Variants in CARMIL1 observed in about 807,000 individuals in gnomAD.
CARMIL1 encodes F-actin-uncapping protein LRRC16A.
CARMIL1 carries 90 observed loss-of-function variants against 177.1 expected under a neutral mutation model. That is an observed-to-expected ratio of 0.51 (90% CI 0.43 to 0.61). The LOEUF is 0.61. Among genes scored for constraint, CARMIL1 ranks in the 20% least tolerant of loss-of-function variants. CARMIL1 has a pLI of 0.00. For missense variants in CARMIL1, 1,380 were observed against 1,667.0 expected, an observed-to-expected ratio of 0.83 and a Z score of 3.00; for synonymous variants, 577 against 606.2, an observed-to-expected ratio of 0.95 and a Z score of 0.71.
At chr6:25,376,398 G>C (rs1562054392) in intron 2 of CARMIL1, among the ~76,000 whole-genome samples, 1 of 152,154 alleles carries the variant, frequency 6.6e-6, no homozygotes, top group Non-Finnish European at 1.5e-5. Flanking sequence ...TATTTTTCTA[G>C]TTCCCTCTAA....
At chr6:25,462,390 A>G (rs1463512661) in intron 8 of CARMIL1, among the ~76,000 whole-genome samples, 2 of 152,058 alleles carry the variant, frequency 1.3e-5, no homozygotes. Flanking sequence ...AGTATTTTGT[A>G]TTCCCCCTAC....
chr6:25,514,568 AGC>A (rs1805787347), intron 20 of CARMIL1, among the ~76,000 whole-genome samples: 1 of 149,756 alleles, frequency 6.7e-6, no homozygotes, highest in South Asian at 2.1e-4. Context: ...AAAAAAAAAA[AGC>A]CACACAAGTG....
intron 8 of CARMIL1, chr6:25,465,523 A>C (rs1800525584): frequency 5.4e-6 from 1 of 186,594 alleles, no homozygotes; most frequent in African/African-American, 2.4e-5. Flanking sequence ...CTGTCTCAAA[A>C]AAAAAAAAAG....
chr6:25,481,102 AT>A (rs796145326), intron 11 of CARMIL1, among the ~76,000 whole-genome samples: 3,108 of 141,084 alleles, frequency 0.022, 95 homozygotes, highest in African/African-American at 0.071. Context: ...TTAGTCACTT[AT>A]TTTTTTTTTT....
At position 25,586,258 on chromosome 6, in the gene CARMIL1, G is replaced by A. The variant is rs1173233818; in HGVS notation, c.3006+4819G>A. Among the ~76,000 whole-genome samples, 928 of 145,684 alleles carry A rather than the reference G, an allele frequency of 6.4e-3. 15 individuals are homozygous for A. The highest frequency in any genetic ancestry group is 0.02 in the African/African-American group (765 of 37,626). ...TCAGACGGGGTGGCCGGGCAGAGAC[G>A]CTCCTCACCTCCCAGACGGGGTGGC... is the stretch of plus-strand genomic sequence containing the variant. On this transcript the variant is annotated intron_variant, in intron 31 of 36. Transcript: ENST00000329474.
At position 25,482,264 on chromosome 6, in the gene CARMIL1, C is replaced by T. The variant is rs764482077; in HGVS notation, c.882C>T (p.Ser294=). The part of the protein sequence containing the change: ...AGNPLEDRGV[S]SLSIQFAKLP... ...TTCTTTTTCCTTTCTCAGGTGTGTC[C>T]TCTTTAAGTATTCAATTTGCCAAAC... The change falls in exon 12 of 37, where the codon TCC becomes TCT. Residue 294 remains serine (S), a synonymous_variant. Transcript: ENST00000329474. 5 of 1,562,642 alleles carry T rather than the reference C, an allele frequency of 3.2e-6. 1 individual carries two copies. The Admixed American group carries it at 5.5e-5, about 17-fold the overall frequency.
chr6:25,403,956 G>T (rs1794117319), intron 2 of CARMIL1, among the ~76,000 whole-genome samples: 1 of 152,214 alleles, frequency 6.6e-6, no homozygotes, highest in Non-Finnish European at 1.5e-5. Flanking sequence ...CACAAGGTAG[G>T]CAGTCAGTAA....
intron 2 of CARMIL1, among the ~76,000 whole-genome samples, chr6:25,360,797 G>T (rs963368433): frequency 2.0e-5 from 3 of 152,146 alleles, no homozygotes; most frequent in Non-Finnish European, 4.4e-5. Context: ...CCTTATTCAC[G>T]TTGAGGAATG....
intron 17 of CARMIL1, among the ~76,000 whole-genome samples, chr6:25,506,352 G>T (rs1156722867): frequency 6.6e-6 from 1 of 152,216 alleles, no homozygotes; most frequent in Non-Finnish European, 1.5e-5. Context: ...TTCAGGACCA[G>T]TCTGGCTAAC....
chr6:25,450,634 A>G lies in CARMIL1; in HGVS notation c.541-4A>G. 6.4e-7 allele frequency: 1 copy of G among 1,555,392 alleles called. No individual in the cohort carries two copies. The highest frequency in any genetic ancestry group is 8.8e-7 in the Non-Finnish European group (1 of 1,130,770). On this transcript the variant is annotated splice_polypyrimidine_tract_variant and splice_region_variant and intron_variant, in intron 7 of 36. Transcript: ENST00000329474. ...ATGACATGACTGAATTATATTTCAAATAGGATGTGGATACAATTTATCTTA... is the reference window on the plus strand; with the variant it reads ...ATGACATGACTGAATTATATTTCAAGTAGGATGTGGATACAATTTATCTTA...
At chr6:25,421,695 T>A (rs1562114829) in intron 3 of CARMIL1, among the ~76,000 whole-genome samples, 3 of 147,148 alleles carry the variant, frequency 2.0e-5, no homozygotes, top group Admixed American at 1.4e-4. Flanking sequence ...TACGCAGCCA[T>A]AAAAGTGAGT....
intron 8 of CARMIL1, among the ~76,000 whole-genome samples, chr6:25,456,185 T>C (rs368588775): frequency 2.0e-5 from 3 of 152,250 alleles, no homozygotes; most frequent in East Asian, 1.9e-4. Context: ...TCTCTTTTCA[T>C]TGTGGACTTG....
At position 25,491,826 on chromosome 6, in the gene CARMIL1, T is replaced by C. The variant is rs181620375; in HGVS notation, c.1143+17T>C. 1,694 of 1,558,176 alleles carry C rather than the reference T, an allele frequency of 1.1e-3. 12 individuals carry two copies. The African/African-American group carries it at 0.019, about 18-fold the overall frequency. On this transcript the variant is annotated intron_variant, in intron 14 of 36. Coordinates refer to ENST00000329474, the MANE Select transcript of CARMIL1 (RefSeq NM_017640.6). ...CTGGACATGGTAAATTTAAAATATA[T>C]ATATATCTTGCTCTGAGGGGTCTCA...
intron 29 of CARMIL1, chr6:25,563,239 C>T: frequency 3.0e-6 from 3 of 985,434 alleles, no homozygotes; most frequent in Non-Finnish European, 3.6e-6. Flanking sequence ...ATGACATTTG[C>T]ATCAACGACG....
At chr6:25,317,243 A>G (rs902026877) in intron 2 of CARMIL1, among the ~76,000 whole-genome samples, 1 of 152,024 alleles carries the variant, frequency 6.6e-6, no homozygotes. Flanking sequence ...CAGTCCTTCC[A>G]TCTCAACCTC....
intron 20 of CARMIL1, among the ~76,000 whole-genome samples, chr6:25,511,399 T>C (rs1805436294): frequency 6.6e-6 from 1 of 152,154 alleles, no homozygotes; most frequent in South Asian, 2.1e-4. Context: ...ATGAATCCAT[T>C]TGATTTAGAG....
rs1810789051 is a variant in CARMIL1, at chr6:25,558,096, T to C, written c.2742+1246T>C. ...ATAACATTTATATTTCATAAGTATT[T>C]TGAGTTTGTTTGCCTTTTGAGGCAT... On this transcript the variant is annotated intron_variant, in intron 29 of 36. Coordinates refer to ENST00000329474, the MANE Select transcript of CARMIL1 (RefSeq NM_017640.6). The surrounding 1 kb of genome is among the most constrained non-coding windows in gnomAD (Gnocchi z 4.1). Among the ~76,000 whole-genome samples the C allele has an allele frequency of 6.6e-6, 1 of 152,200 alleles. No homozygotes were observed. The highest frequency in any genetic ancestry group is 2.1e-4 in the South Asian group (1 of 4,832).
Position 25,558,792 on chromosome 6 carries a change from G to A in CARMIL1, c.2742+1942G>A, listed in dbSNP as rs557099636. The stretch of plus-strand genomic sequence containing the variant: ...GAGCCTGTGTTGAGTCCTAGGGTGA[G>A]GAGCAGGGCCCTGGGTGTTGAGGGA... On this transcript the variant is annotated intron_variant, in intron 29 of 36. Transcript: ENST00000329474. This position sits in a 1 kb window ranked among gnomAD's most constrained non-coding sequence, Gnocchi z 4.1. 1.3e-5 allele frequency among the ~76,000 whole-genome samples: 2 copies of A among 152,236 alleles called. No individual in the cohort carries two copies. Among genetic ancestry groups the A allele is most frequent in the African/African-American group, 4.8e-5 (2 of 41,552 alleles).
chr6:25,285,872 A>AT (rs1401951235), intron 2 of CARMIL1, among the ~76,000 whole-genome samples: 1 of 151,878 alleles, frequency 6.6e-6, no homozygotes, highest in Non-Finnish European at 1.5e-5. Context: ...TAATTTCTTA[A>AT]TTTTTTAAAG....
Sources: gnomAD v4.1 joint callset for allele counts (sites outside exome capture counted in the v4.1 genomes callset) on GRCh38, gnomAD v4.1.1 for gene constraint, Gnocchi (gnomAD v3.1) non-coding constraint, MANE v1.5 for transcripts, NCBI Gene and HGNC (gene_info 2026-07-23, HGNC 2026-07-21) for gene names.